Variants in RIC1 observed in about 807,000 individuals in gnomAD.
RIC1 encodes guanine nucleotide exchange factor subunit RIC1.
A neutral mutation model predicts 169.0 loss-of-function variants in RIC1; 88 were observed. That is an observed-to-expected ratio of 0.52 (90% CI 0.44 to 0.62). The LOEUF (loss-of-function observed/expected upper bound fraction) is 0.62, where lower values mean the gene tolerates loss of function less well. RIC1 is among the 20% of genes least tolerant of loss of function. The pLI, the probability that RIC1 is intolerant of heterozygous loss-of-function variation, is 0.00. For missense variants in RIC1, 1,877 were observed against 1,725.5 expected, an observed-to-expected ratio of 1.09 and a Z score of -1.56; for synonymous variants, 790 against 601.5, an observed-to-expected ratio of 1.31 and a Z score of -4.59.
At chr9:5,738,692 G>T (rs1371066499) in intron 8 of RIC1, among the ~76,000 whole-genome samples, 154 bp downstream of exon 8, 1 of 151,958 alleles carries the variant, frequency 6.6e-6, no homozygotes, top group African/African-American at 2.4e-5. Flanking sequence ...TCTGGAAATT[G>T]ATTGAGGGGC....
chr9:5,762,633 C>T lies in RIC1; in HGVS notation c.2085C>T (p.Asp695=), dbSNP rs139982016. 481 of 1,613,850 alleles carry T rather than the reference C, an allele frequency of 3.0e-4. 2 individuals carry two copies. The East Asian group carries it at 8.8e-3, about 30-fold the overall frequency. The change falls in exon 18 of 26, where the codon GAC becomes GAT. Residue 695 remains aspartate (D), a synonymous_variant. Transcript: ENST00000414202. ...CAGGCCCACAGATCCGGGAGAAGGA[C>T]AGTAACCCTAATAACCAAAGGAAAC... ...DRSGPQIREK[D]SNPNNQRKLL...
At chr9:5,688,724 C>T (rs903916052) in intron 2 of RIC1, among the ~76,000 whole-genome samples, 1 of 152,126 alleles carries the variant, frequency 6.6e-6, no homozygotes, top group Non-Finnish European at 1.5e-5. Flanking sequence ...TTTTCTTGGT[C>T]ATTCCTTTGA....
intron 2 of RIC1, among the ~76,000 whole-genome samples, chr9:5,658,394 A>G (rs1023088201): frequency 1.3e-5 from 2 of 152,126 alleles, no homozygotes; most frequent in African/African-American, 4.8e-5. Flanking sequence ...CTTCACAAAA[A>G]TAAAATATGA....
At chr9:5,629,502 G>A (rs1343813091) in intron 1 of RIC1, 49 bp downstream of exon 1, 1 of 1,492,482 alleles carries the variant, frequency 6.7e-7, no homozygotes, top group Non-Finnish European at 8.9e-7. Flanking sequence ...CCGGCCTCCC[G>A]GCGCCGTCCC....
intron 8 of RIC1, 90 bp downstream of exon 8, chr9:5,738,628 C>A (rs2130957514): frequency 2.8e-6 from 2 of 722,828 alleles, no homozygotes; most frequent in Non-Finnish European, 4.2e-6. Context: ...TTAAACAATA[C>A]ATGTCATGCT....
intron 17 of RIC1, among the ~76,000 whole-genome samples, chr9:5,760,911 A>G (rs1005173210): frequency 2.0e-5 from 3 of 151,974 alleles, no homozygotes; most frequent in African/African-American, 7.3e-5. Flanking sequence ...CTGGGACACA[A>G]TCCCACAAGT....
chr9:5,722,598 G>T (rs1482383816), intron 6 of RIC1, among the ~76,000 whole-genome samples: 1 of 151,978 alleles, frequency 6.6e-6, no homozygotes, highest in African/African-American at 2.4e-5. Flanking sequence ...GGGTACATGT[G>T]CACAGCGTGC....
chr9:5,690,282 A>G (rs941028631), intron 3 of RIC1, among the ~76,000 whole-genome samples: 1 of 152,140 alleles, frequency 6.6e-6, no homozygotes, highest in East Asian at 1.9e-4. Context: ...ATGACTGTTA[A>G]TATATTCCAG....
chr9:5,734,281 A>G (rs905697879), intron 7 of RIC1, among the ~76,000 whole-genome samples: 4 of 151,352 alleles, frequency 2.6e-5, no homozygotes, highest in African/African-American at 9.7e-5. Flanking sequence ...TAATTTTTGT[A>G]TTTTTAGTAG....
At chr9:5,673,353 A>C (rs1456509672) in intron 2 of RIC1, among the ~76,000 whole-genome samples, 2 of 151,856 alleles carry the variant, frequency 1.3e-5, no homozygotes, top group Non-Finnish European at 2.9e-5. Flanking sequence ...ATTTTTCACC[A>C]ATCTAATGCA....
At chr9:5,674,214 T>C (rs1213998378) in intron 2 of RIC1, among the ~76,000 whole-genome samples, 2 of 152,144 alleles carry the variant, frequency 1.3e-5, no homozygotes, top group Non-Finnish European at 2.9e-5. Context: ...TTACTTTCTG[T>C]GTTTCTTGGG....
intron 3 of RIC1, chr9:5,712,988 A>G (rs138105193): frequency 2.0e-5 from 3 of 152,360 alleles, no homozygotes; most frequent in African/African-American, 7.2e-5. Flanking sequence ...AGCAAAAATA[A>G]GTAAGAAAGA....
intron 1 of RIC1, among the ~76,000 whole-genome samples, chr9:5,656,085 T>C (rs1034453879): frequency 6.6e-6 from 1 of 151,970 alleles, no homozygotes; most frequent in Non-Finnish European, 1.5e-5. Context: ...TTAGCCAGGA[T>C]GGTCTCCATC....
chr9:5,701,708 C>T lies in RIC1; in HGVS notation c.332+11670C>T, dbSNP rs773522592. Among the ~76,000 whole-genome samples, 4 of 151,988 alleles carry T rather than the reference C, an allele frequency of 2.6e-5. No homozygotes were observed. The East Asian group carries it at 5.8e-4, about 22-fold the overall frequency. ...AACTTAACTTTTGCTCTGTATAATT[C>T]GTACTATAACATTAGTATGAATATG... On this transcript the variant is annotated intron_variant, in intron 3 of 25. Coordinates refer to ENST00000414202, the MANE Select transcript of RIC1 (RefSeq NM_020829.4).
chr9:5,647,657 T>C (rs1007207651), intron 1 of RIC1, among the ~76,000 whole-genome samples: 61 of 152,336 alleles, frequency 4.0e-4, no homozygotes, highest in African/African-American at 1.4e-3. Context: ...GTGGAATCTT[T>C]AGAGTCTTTA....
intron 8 of RIC1, among the ~76,000 whole-genome samples, chr9:5,742,344 T>C (rs1825130391): frequency 6.6e-6 from 1 of 152,170 alleles, no homozygotes; most frequent in Non-Finnish European, 1.5e-5. Context: ...TTTGTCTCAG[T>C]ATTTTTTATT....
chr9:5,741,271 G>C (rs1825067996), intron 8 of RIC1, among the ~76,000 whole-genome samples: 1 of 151,910 alleles, frequency 6.6e-6, no homozygotes, highest in Non-Finnish European at 1.5e-5. Context: ...TTTGTTTTTG[G>C]CTTTCTGCAG....
intron 1 of RIC1, among the ~76,000 whole-genome samples, chr9:5,640,049 A>G (rs1054008762): frequency 1.3e-5 from 2 of 151,816 alleles, no homozygotes; most frequent in African/African-American, 2.4e-5. Flanking sequence ...TTGATTGGAG[A>G]GTTTGGTCCA....
intron 1 of RIC1, among the ~76,000 whole-genome samples, chr9:5,646,756 A>G (rs117192860): frequency 2.0e-5 from 3 of 152,178 alleles, no homozygotes; most frequent in Non-Finnish European, 4.4e-5. Flanking sequence ...TTCTGTTTCA[A>G]GGGTTACATT....
Sources: gnomAD v4.1 joint callset for allele counts (sites outside exome capture counted in the v4.1 genomes callset) on GRCh38, gnomAD v4.1.1 for gene constraint, MANE v1.5 for transcripts, NCBI Gene and HGNC (gene_info 2026-07-23, HGNC 2026-07-21) for gene names.